The following ANKRD30BL variants were observed in gnomAD, a reference collection of about 807,000 sequenced individuals.
ANKRD30BL encodes putative ankyrin repeat domain-containing protein 30B-like.
Under a neutral mutation model 18.4 loss-of-function variants are expected in ANKRD30BL, and 20 were observed. The observed-to-expected ratio is 1.09, with a 90% CI of 0.77 to 1.58. The LOEUF (loss-of-function observed/expected upper bound fraction) is 1.58. Among genes scored for constraint, ANKRD30BL ranks in the 40% most tolerant of loss-of-function variants. The pLI is 0.00. For missense variants in ANKRD30BL, 224 were observed against 268.6 expected, an observed-to-expected ratio of 0.83 and a Z score of 1.16; for synonymous variants, 72 against 100.9, an observed-to-expected ratio of 0.71 and a Z score of 1.72.
intron 1 of ANKRD30BL, among the ~76,000 whole-genome samples, chr2:132,231,757 G>A (rs892097326): frequency 8.5e-5 from 13 of 152,166 alleles, no homozygotes; most frequent in African/African-American, 3.1e-4. Context: ...CAGCGAGGCT[G>A]GGGGAGGGGC....
intron 1 of ANKRD30BL, among the ~76,000 whole-genome samples, chr2:132,200,498 CAACA>C (rs1441203186): frequency 7.9e-5 from 12 of 152,034 alleles, no homozygotes; most frequent in African/African-American, 2.9e-4. Flanking sequence ...TATACACCAA[CAACA>C]AACAAACAGA....
At chr2:132,212,524 T>C (rs1679382804) in intron 1 of ANKRD30BL, among the ~76,000 whole-genome samples, 1 of 151,936 alleles carries the variant, frequency 6.6e-6, no homozygotes, top group Admixed American at 6.6e-5. Context: ...GATGTGTCCA[T>C]TCATCTGACA....
intron 1 of ANKRD30BL, among the ~76,000 whole-genome samples, chr2:132,202,760 A>G (rs1337364913): frequency 1.3e-5 from 2 of 152,236 alleles, no homozygotes; most frequent in African/African-American, 4.8e-5. Flanking sequence ...CTGTGTATAA[A>G]TGAATGACAA....
chr2:132,205,880 G>C (rs1351990357), intron 1 of ANKRD30BL, among the ~76,000 whole-genome samples: 1 of 152,078 alleles, frequency 6.6e-6, no homozygotes, highest in Non-Finnish European at 1.5e-5. Flanking sequence ...GGTGAAAGAG[G>C]CTGGGCACAG....
intron 1 of ANKRD30BL, among the ~76,000 whole-genome samples, chr2:132,243,200 C>A (rs150997086): frequency 8.5e-4 from 128 of 151,430 alleles, no homozygotes; most frequent in Non-Finnish European, 1.6e-3. Flanking sequence ...GATTTGAGAT[C>A]CTTGGTGGAA....
chr2:132,200,556 A>G (rs928635453), intron 1 of ANKRD30BL, among the ~76,000 whole-genome samples: 2 of 152,214 alleles, frequency 1.3e-5, no homozygotes, highest in African/African-American at 4.8e-5. Context: ...TGCTTCAAAG[A>G]GAATAAAATA....
At chr2:132,211,635 T>C (rs2104758294) in intron 1 of ANKRD30BL, among the ~76,000 whole-genome samples, 1 of 152,230 alleles carries the variant, frequency 6.6e-6, no homozygotes, top group Middle Eastern at 3.4e-3. Context: ...CTCACAGAGT[T>C]GAACTTTACT....
chr2:132,183,988 T>A (rs1688520185), intron 1 of ANKRD30BL, among the ~76,000 whole-genome samples: 2 of 151,820 alleles, frequency 1.3e-5, no homozygotes, highest in East Asian at 3.9e-4. Flanking sequence ...CAACAGTAAG[T>A]GAGGATAGGC....
chr2:132,208,423 G>A (rs1416544961), intron 1 of ANKRD30BL, among the ~76,000 whole-genome samples: 2 of 152,038 alleles, frequency 1.3e-5, no homozygotes, highest in Non-Finnish European at 1.5e-5. Flanking sequence ...TGTCTTTCCT[G>A]AAGTCTATGG....
At chr2:132,220,597 C>A (rs568228764) in intron 1 of ANKRD30BL, among the ~76,000 whole-genome samples, 163 of 152,210 alleles carry the variant, frequency 1.1e-3, no homozygotes, top group East Asian at 4.1e-3. Flanking sequence ...AGCTCCTAAC[C>A]GCGAGTGATC....
In ANKRD30BL at chr2:132,218,391, A is replaced by G. The variant is rs553828344; in HGVS notation, n.441+39138T>C. Among the ~76,000 whole-genome samples the G allele has an allele frequency of 3.7e-3, 566 of 151,876 alleles. 1 individual carries two copies. The highest frequency in any genetic ancestry group is 0.013 in the African/African-American group (553 of 41,454). ...CCTTATCATAGAGCAGCTTTCAAAC[A>G]CTCTTTTTGTAGAATCTGAGAGCAG... is the stretch of plus-strand genomic sequence containing the variant. On this transcript the variant is annotated intron_variant and non_coding_transcript_variant, in intron 1 of 4. Coordinates refer to the ANKRD30BL transcript ENST00000470729.
intron 1 of ANKRD30BL, among the ~76,000 whole-genome samples, chr2:132,235,759 C>T (rs1168047020): frequency 2.6e-5 from 4 of 152,090 alleles, no homozygotes; most frequent in Non-Finnish European, 5.9e-5. Flanking sequence ...AATGGCCATA[C>T]TGCCCAAGGT....
chr2:132,198,574 T>G (rs184758622), intron 1 of ANKRD30BL, among the ~76,000 whole-genome samples: 1 of 151,664 alleles, frequency 6.6e-6, no homozygotes, highest in Admixed American at 6.6e-5. Flanking sequence ...CTGCCCGCCT[T>G]GGCCTCCCAA....
intron 1 of ANKRD30BL, among the ~76,000 whole-genome samples, chr2:132,222,015 C>T (rs1321547090): frequency 5.3e-5 from 7 of 132,806 alleles, no homozygotes; most frequent in Non-Finnish European, 6.4e-5. Flanking sequence ...CCCCTCTGCC[C>T]GGCCAGCCAC....
chr2:132,198,268 T>TTTTCTTTC lies in ANKRD30BL; in HGVS notation n.442-41130_442-41123dup, dbSNP rs1372612115. On this transcript the variant is annotated intron_variant and non_coding_transcript_variant, in intron 1 of 4. Coordinates refer to the ANKRD30BL transcript ENST00000470729. ...TAATTTACTATACCTTCTTTCTTTC[T>TTTTCTTTC]TTTCTTTCTTTCTTTCTTTCTTTCT... 3.6e-4 allele frequency among the ~76,000 whole-genome samples: 39 copies of TTTTCTTTC among 109,798 alleles called. 1 individual carries two copies. The highest frequency in any genetic ancestry group is 8.6e-4 in the South Asian group (3 of 3,470). 72.0% of individuals were successfully genotyped at this position (109,798 alleles called of 152,430 possible).
At chr2:132,173,696 C>T (rs764467014) in intron 1 of ANKRD30BL, among the ~76,000 whole-genome samples, 2 of 152,074 alleles carry the variant, frequency 1.3e-5, no homozygotes, top group East Asian at 1.9e-4. Flanking sequence ...ACCAGCTTTC[C>T]GACCTACTGA....
chr2:132,209,507 A>G (rs1172148019), intron 1 of ANKRD30BL, among the ~76,000 whole-genome samples: 1 of 152,032 alleles, frequency 6.6e-6, no homozygotes. Flanking sequence ...GAGGAAAAGG[A>G]AACATCTGCA....
intron 1 of ANKRD30BL, among the ~76,000 whole-genome samples, chr2:132,175,321 G>T (rs1688344468): frequency 6.6e-6 from 1 of 152,072 alleles, no homozygotes; most frequent in African/African-American, 2.4e-5. Flanking sequence ...TTCAAGGGGA[G>T]GTACTATGCC....
At chr2:132,251,925 T>C (rs1236524932) in intron 1 of ANKRD30BL, among the ~76,000 whole-genome samples, 1 of 152,238 alleles carries the variant, frequency 6.6e-6, no homozygotes, top group Non-Finnish European at 1.5e-5. Context: ...TGTTCTTTTG[T>C]GTGATCGTTC....
Sources: gnomAD v4.1 joint callset for allele counts (sites outside exome capture counted in the v4.1 genomes callset) on GRCh38, gnomAD v4.1.1 for gene constraint, MANE v1.5 for transcripts, NCBI Gene and HGNC (gene_info 2026-07-23, HGNC 2026-07-21) for gene names.